The following NHS variants were observed in gnomAD, a reference collection of about 807,000 sequenced individuals.
NHS encodes actin remodeling regulator NHS.
In NHS, 5 loss-of-function variants were observed where a neutral mutation model predicts 72.5. The ratio of observed to expected loss-of-function variants is 0.07; its 90% confidence interval spans 0.04 to 0.14. NHS has a LOEUF of 0.14. Ranked by LOEUF, NHS falls within the 10% of genes least tolerant of loss-of-function variation. The pLI is 1.00. For synonymous variants in NHS, 464 were observed against 547.7 expected (o/e 0.85, Z 2.13); for missense variants, 1,072 against 1,355.7 (o/e 0.79, Z 3.29).
At chrX:17,484,788 T>G (rs1027312069) in intron 1 of NHS, among the ~76,000 whole-genome samples, 2 of 109,970 alleles carry the variant, frequency 1.8e-5, no homozygotes, top group Admixed American at 1.9e-4. Flanking sequence ...TCTGGATTGG[T>G]TGGTTCGCAT....
chrX:17,720,005 C>T (rs930355945), intron 4 of NHS, among the ~76,000 whole-genome samples: 1 of 111,372 alleles, frequency 9.0e-6, no homozygotes, highest in African/African-American at 3.3e-5. Flanking sequence ...TCTGTATGCA[C>T]CAAACTTTTT....
At chrX:17,411,610 A>T (rs752163556) in intron 1 of NHS, among the ~76,000 whole-genome samples, 21 of 112,046 alleles carry the variant, frequency 1.9e-4, no homozygotes, top group East Asian at 8.4e-4. Flanking sequence ...GATTTTTTTT[A>T]AAAAAAGAAG....
At chrX:17,711,009 C>T (rs776311802) in intron 3 of NHS, among the ~76,000 whole-genome samples, 109 of 112,257 alleles carry the variant, frequency 9.7e-4, no homozygotes, top group African/African-American at 3.1e-3. Context: ...GCTGCTGTCA[C>T]TTCTGGGCTG....
At chrX:17,664,055 TA>T (rs1284816447) in intron 1 of NHS, among the ~76,000 whole-genome samples, 7 of 111,977 alleles carry the variant, frequency 6.3e-5, no homozygotes, top group Non-Finnish European at 1.3e-4. Context: ...TTATTATTGA[TA>T]TTTTTTATTT....
At chrX:17,698,801 T>C (rs1369142179) in intron 3 of NHS, among the ~76,000 whole-genome samples, 1 of 111,631 alleles carries the variant, frequency 9.0e-6, no homozygotes, top group Non-Finnish European at 1.9e-5. Flanking sequence ...AATCTATTAG[T>C]ATCATATATC....
intron 1 of NHS, among the ~76,000 whole-genome samples, chrX:17,660,147 G>GAAGAAGCTAA (rs2065976205): frequency 8.9e-6 from 1 of 111,765 alleles, no homozygotes; most frequent in Admixed American, 9.5e-5. Flanking sequence ...TACTCAGCTA[G>GAAGAAGCTAA]TGAAGAAGCT....
intron 1 of NHS, among the ~76,000 whole-genome samples, chrX:17,557,014 G>A (rs2065379572): frequency 9.3e-6 from 1 of 107,500 alleles, no homozygotes; most frequent in Non-Finnish European, 1.9e-5. Context: ...TACTGTTGAG[G>A]AAAATATCTC....
intron 1 of NHS, among the ~76,000 whole-genome samples, chrX:17,399,068 A>G (rs898324310): frequency 3.6e-5 from 4 of 111,589 alleles, no homozygotes; most frequent in Non-Finnish European, 7.5e-5. Context: ...TCTATAGACC[A>G]TGGGGATTCC....
At chrX:17,453,516 G>T (rs2146890931) in intron 1 of NHS, among the ~76,000 whole-genome samples, 1 of 111,567 alleles carries the variant, frequency 9.0e-6, no homozygotes, top group South Asian at 3.8e-4. Flanking sequence ...GATGGTATAA[G>T]ACTCACTACT....
chrX:17,479,104 T>C (rs779671147), intron 1 of NHS, among the ~76,000 whole-genome samples: 2 of 111,131 alleles, frequency 1.8e-5, no homozygotes, highest in Non-Finnish European at 3.8e-5. Flanking sequence ...CCTCCCTGTA[T>C]CCATGTATTC....
At chrX:17,578,870 G>A (rs1162303037) in intron 1 of NHS, among the ~76,000 whole-genome samples, 2 of 111,933 alleles carry the variant, frequency 1.8e-5, no homozygotes, top group African/African-American at 6.5e-5. Flanking sequence ...ATCTCCTGCA[G>A]TGTTGGAGAG....
chrX:17,480,925 C>T (rs1451762095), intron 1 of NHS, among the ~76,000 whole-genome samples: 1 of 111,609 alleles, frequency 9.0e-6, no homozygotes, highest in Non-Finnish European at 1.9e-5. Context: ...GGTCTAGAAA[C>T]ATGTGCCCAT....
At chrX:17,492,037 G>T (rs750752468) in intron 1 of NHS, among the ~76,000 whole-genome samples, 101 of 109,375 alleles carry the variant, frequency 9.2e-4, no homozygotes, top group Non-Finnish European at 1.6e-3. Context: ...TTCTTTATTA[G>T]TCTGGCTTAC....
chrX:17,634,960 G>A (rs776809440), intron 1 of NHS, among the ~76,000 whole-genome samples: 13 of 111,838 alleles, frequency 1.2e-4, no homozygotes, highest in Admixed American at 3.8e-4. Flanking sequence ...GGGATGAAAT[G>A]TATTCCTTCT....
Position 17,558,716 on chromosome X carries a change from A to C in NHS, c.566-129026A>C, listed in dbSNP as rs1301997767. ...CTAGTCCTAGGGCAGTGATCAGCAC[A>C]AAGTAGGCACCTGACAAGGTGAGGA... On this transcript the variant is annotated intron_variant, in intron 1 of 8. Transcript: ENST00000676302. Among the ~76,000 whole-genome samples the C allele has an allele frequency of 5.3e-5, 6 of 112,443 alleles. No individual in the cohort carries two copies. The Admixed American group carries it at 5.6e-4, about 11-fold the overall frequency.
In NHS at chrX:17,726,796, C is replaced by A. The variant is rs138975293; in HGVS notation, c.2690C>A (p.Thr897Lys). ...AAGCTGCCTCTTGATTTCGCCAACA[C>A]GCCTTCTCGAATGGAAAACGCCAAT... Reference protein sequence around the residue: ...EMKLPLDFANTPSRMENANLP... With the variant: ...EMKLPLDFANKPSRMENANLP... Residue 897 changes from threonine to lysine, a missense_variant, in exon 7 of 9, where the codon ACG (threonine) becomes AAG (lysine). Transcript: ENST00000676302. 8.3e-7 allele frequency: 1 copy of A among 1,211,768 alleles called. No individual in the cohort carries two copies. The highest frequency in any genetic ancestry group is 1.1e-6 in the Non-Finnish European group (1 of 895,540).
chrX:17,464,948 G>C (rs1400197672), intron 1 of NHS, among the ~76,000 whole-genome samples: 2 of 112,200 alleles, frequency 1.8e-5, no homozygotes, highest in Admixed American at 1.9e-4. Flanking sequence ...AAACCAAGGC[G>C]GGCATGATCT....
At chrX:17,484,939 T>C (rs2064961349) in intron 1 of NHS, among the ~76,000 whole-genome samples, 1 of 111,502 alleles carries the variant, frequency 9.0e-6, no homozygotes, top group Admixed American at 9.6e-5. Flanking sequence ...GCCAACACTG[T>C]CCTCAGAGTG....
At chrX:17,573,555 T>C (rs752883869) in intron 1 of NHS, among the ~76,000 whole-genome samples, 2 of 110,201 alleles carry the variant, frequency 1.8e-5, no homozygotes, top group African/African-American at 6.6e-5. Context: ...TTCTCTACAC[T>C]GTTTATTCTA....
Sources: allele counts gnomAD v4.1 joint callset (sites outside exome capture counted in the v4.1 genomes callset), GRCh38; gene constraint gnomAD v4.1.1; transcripts MANE v1.5; gene names NCBI Gene and HGNC (gene_info 2026-07-23, HGNC 2026-07-21).